Variants in ST6GALNAC3 observed in about 807,000 individuals in gnomAD.
ST6GALNAC3 encodes the protein ST6 N-acetylgalactosaminide alpha-2,6-sialyltransferase 3, also known as alpha-N-acetylgalactosaminide alpha-2,6-sialyltransferase 3.
In ST6GALNAC3, 25 loss-of-function variants were observed where a neutral mutation model predicts 32.7. The observed-to-expected ratio is 0.76, with a 90% CI of 0.56 to 1.07. The LOEUF (loss-of-function observed/expected upper bound fraction) is 1.07. Ranked by LOEUF, ST6GALNAC3 falls within the 50% of genes least tolerant of loss-of-function variation. The pLI, the probability that ST6GALNAC3 is intolerant of heterozygous loss-of-function variation, is 0.00. For synonymous variants in ST6GALNAC3, 129 were observed against 133.1 expected, an observed-to-expected ratio of 0.97 and a Z score of 0.21; for missense variants, 355 against 382.4, an observed-to-expected ratio of 0.93 and a Z score of 0.60.
At chr1:76,376,799 A>G (rs994800708) in intron 2 of ST6GALNAC3, among the ~76,000 whole-genome samples, 8 of 152,022 alleles carry the variant, frequency 5.3e-5, no homozygotes, top group Admixed American at 4.6e-4. Flanking sequence ...CGTTTCCACC[A>G]TTTCTCATGT....
intron 1 of ST6GALNAC3, among the ~76,000 whole-genome samples, chr1:76,273,039 T>A (rs548757828): frequency 5.9e-5 from 9 of 152,334 alleles, no homozygotes; most frequent in African/African-American, 1.9e-4. Flanking sequence ...TAAATTTTTT[T>A]AAAAATAGCT....
intron 3 of ST6GALNAC3, among the ~76,000 whole-genome samples, chr1:76,547,428 G>A (rs1340711984): frequency 6.6e-6 from 1 of 152,166 alleles, no homozygotes; most frequent in Non-Finnish European, 1.5e-5. Context: ...CCTAAGACAC[G>A]GTTGACTAGG....
At chr1:76,396,276 G>A (rs1452521959) in intron 2 of ST6GALNAC3, among the ~76,000 whole-genome samples, 1 of 152,046 alleles carries the variant, frequency 6.6e-6, no homozygotes, top group Non-Finnish European at 1.5e-5. Context: ...ACCAGCCTGG[G>A]CAACATGGCA....
At chr1:76,464,865 C>T (rs985830751) in intron 3 of ST6GALNAC3, among the ~76,000 whole-genome samples, 14 of 152,152 alleles carry the variant, frequency 9.2e-5, no homozygotes, top group African/African-American at 3.4e-4. Flanking sequence ...TGATTTGAAC[C>T]CAGCTCCATC....
At chr1:76,249,180 CA>C (rs1170236943) in intron 1 of ST6GALNAC3, among the ~76,000 whole-genome samples, 1 of 152,186 alleles carries the variant, frequency 6.6e-6, no homozygotes, top group African/African-American at 2.4e-5. Context: ...CAGCGTTGTG[CA>C]AACGTCTCCA....
At chr1:76,264,687 C>A (rs1161209693) in intron 1 of ST6GALNAC3, among the ~76,000 whole-genome samples, 1 of 152,038 alleles carries the variant, frequency 6.6e-6, no homozygotes, top group African/African-American at 2.4e-5. Context: ...CAGACATAAT[C>A]CTTAGTTATC....
At chr1:76,149,754 A>G (rs1349755542) in intron 1 of ST6GALNAC3, among the ~76,000 whole-genome samples, 2 of 151,926 alleles carry the variant, frequency 1.3e-5, no homozygotes, top group Admixed American at 6.5e-5. Context: ...GGTTGTTTCC[A>G]TATCTTTGCT....
chr1:76,174,362 T>TG (rs1652713207), intron 1 of ST6GALNAC3, among the ~76,000 whole-genome samples: 1 of 151,318 alleles, frequency 6.6e-6, no homozygotes, highest in South Asian at 2.1e-4. Flanking sequence ...GGTCAATAGT[T>TG]GCAGCAAACT....
At chr1:76,238,241 C>T (rs1039843037) in intron 1 of ST6GALNAC3, among the ~76,000 whole-genome samples, 1 of 152,214 alleles carries the variant, frequency 6.6e-6, no homozygotes, top group Non-Finnish European at 1.5e-5. Flanking sequence ...TCTACATATC[C>T]TGCCGTGCTC....
intron 3 of ST6GALNAC3, among the ~76,000 whole-genome samples, chr1:76,536,464 T>G (rs1663605213): frequency 1.3e-5 from 2 of 151,924 alleles, no homozygotes; most frequent in Admixed American, 1.3e-4. Flanking sequence ...AAGCTCCATA[T>G]AAAACCATCA....
At chr1:76,182,551 C>T (rs1653253752) in intron 1 of ST6GALNAC3, among the ~76,000 whole-genome samples, 1 of 152,042 alleles carries the variant, frequency 6.6e-6, no homozygotes, top group South Asian at 2.1e-4. Context: ...TGGGGGGTAT[C>T]CTCTGGTCTT....
intron 2 of ST6GALNAC3, 64 bp from the exon 3 acceptor site, chr1:76,411,944 C>T: frequency 6.5e-7 from 1 of 1,533,730 alleles, no homozygotes; most frequent in South Asian, 1.3e-5. Flanking sequence ...TTTGTTTTCC[C>T]ATAGGAACTT....
chr1:76,430,473 T>C (rs927221223), intron 3 of ST6GALNAC3, among the ~76,000 whole-genome samples: 1 of 152,214 alleles, frequency 6.6e-6, no homozygotes, highest in Non-Finnish European at 1.5e-5. Flanking sequence ...AGATACACAT[T>C]CTAAGCTTTG....
intron 1 of ST6GALNAC3, among the ~76,000 whole-genome samples, chr1:76,216,405 A>C (rs970120026): frequency 3.9e-5 from 6 of 152,250 alleles, no homozygotes; most frequent in African/African-American, 1.4e-4. Flanking sequence ...GTATAGTGCC[A>C]GGCTTTCAGA....
At chr1:76,103,661 C>A (rs1647332565) in intron 1 of ST6GALNAC3, among the ~76,000 whole-genome samples, 1 of 152,150 alleles carries the variant, frequency 6.6e-6, no homozygotes, top group African/African-American at 2.4e-5. Flanking sequence ...TCAGCAGCCA[C>A]ACTCCCTCCA....
At chr1:76,200,942 G>T (rs940448833) in intron 1 of ST6GALNAC3, among the ~76,000 whole-genome samples, 1 of 151,996 alleles carries the variant, frequency 6.6e-6, no homozygotes, top group Non-Finnish European at 1.5e-5. Context: ...TTGGGAGGAA[G>T]ACTGCTCTAA....
chr1:76,253,269 A>G (rs1657724606), intron 1 of ST6GALNAC3, among the ~76,000 whole-genome samples: 12 of 152,160 alleles, frequency 7.9e-5, no homozygotes, highest in Admixed American at 7.2e-4. Context: ...TTCCTTCAGT[A>G]AATTAGGAAC....
chr1:76,410,394 C>A (rs2101286765), intron 2 of ST6GALNAC3, among the ~76,000 whole-genome samples: 1 of 152,144 alleles, frequency 6.6e-6, no homozygotes, highest in South Asian at 2.1e-4. Flanking sequence ...ATTTTCTCAG[C>A]AATGTCTTTT....
At chr1:76,606,566 G>C (rs1030674232) in intron 3 of ST6GALNAC3, among the ~76,000 whole-genome samples, 5 of 152,048 alleles carry the variant, frequency 3.3e-5, no homozygotes, top group Admixed American at 1.3e-4. Flanking sequence ...CCTGTCAGAG[G>C]GTGGAGGGGG....
Sources: allele counts gnomAD v4.1 joint callset (sites outside exome capture counted in the v4.1 genomes callset), GRCh38; gene constraint gnomAD v4.1.1; transcripts MANE v1.5; gene names NCBI Gene and HGNC (gene_info 2026-07-23, HGNC 2026-07-21).